Variants in SHISA9 observed in about 807,000 individuals in gnomAD.
SHISA9 encodes protein shisa-9.
Under a neutral mutation model 38.0 loss-of-function variants are expected in SHISA9, and 13 were observed. The ratio of observed to expected loss-of-function variants is 0.34; its 90% confidence interval spans 0.22 to 0.54. The LOEUF (loss-of-function observed/expected upper bound fraction) is 0.54. Among genes scored for constraint, SHISA9 ranks in the 20% least tolerant of loss-of-function variants. The pLI, the probability that SHISA9 is intolerant of heterozygous loss-of-function variation, is 0.91. For missense variants in SHISA9, 538 were observed against 575.8 expected, an observed-to-expected ratio of 0.93 and a Z score of 0.67; for synonymous variants, 275 against 242.0, an observed-to-expected ratio of 1.14 and a Z score of -1.27.
the SHISA9 span, among the ~76,000 whole-genome samples, chr16:13,536,284 A>AC: frequency 9.4e-3 from 1,424 of 152,276 alleles, 24 homozygotes; most frequent in African/African-American, 0.033. Context: ...GGCATGAGCC[A>AC]CCGTACCTGG....
chr16:13,316,025 A>AG, the SHISA9 span, among the ~76,000 whole-genome samples: 5 of 151,578 alleles, frequency 3.3e-5, no homozygotes, highest in East Asian at 1.9e-4. Flanking sequence ...TAAAAAAAAA[A>AG]AGAGAGAGAG....
At chr16:12,939,375 C>T (rs866212778) in intron 2 of SHISA9, among the ~76,000 whole-genome samples, 13 of 152,170 alleles carry the variant, frequency 8.5e-5, no homozygotes, top group African/African-American at 1.9e-4. Flanking sequence ...TGAGTCACTG[C>T]GCCTGGCCAG....
the SHISA9 span, among the ~76,000 whole-genome samples, chr16:13,409,718 G>A: frequency 1.3e-5 from 2 of 152,242 alleles, no homozygotes; most frequent in Admixed American, 1.3e-4. Flanking sequence ...AGCCTCTGCA[G>A]CACCAACTAT....
the SHISA9 span, among the ~76,000 whole-genome samples, chr16:13,300,926 CTTCT>C: frequency 9.4e-5 from 14 of 148,670 alleles, no homozygotes; most frequent in Admixed American, 7.6e-4. Context: ...CCTCCTCCTT[CTTCT>C]TTCTTTCTCT....
chr16:13,029,811 A>G (rs1234170192), intron 2 of SHISA9, among the ~76,000 whole-genome samples: 2 of 152,220 alleles, frequency 1.3e-5, no homozygotes, highest in Non-Finnish European at 2.9e-5. Flanking sequence ...ATCCACATCC[A>G]TCTCGTCACT....
At chr16:13,091,185 C>CT (rs981810525) in intron 2 of SHISA9, among the ~76,000 whole-genome samples, 1 of 136,588 alleles carries the variant, frequency 7.3e-6, no homozygotes, top group African/African-American at 2.6e-5. Context: ...GTCTGATGGG[C>CT]TTCCCTTTGT....
chr16:13,267,369 AAC>A, the SHISA9 span, among the ~76,000 whole-genome samples: 1 of 152,228 alleles, frequency 6.6e-6, no homozygotes, highest in Admixed American at 6.5e-5. Context: ...GCAAATGTAT[AAC>A]ATTTCCAAAA....
intron 2 of SHISA9, among the ~76,000 whole-genome samples, chr16:13,162,918 G>A (rs983267907): frequency 2.0e-5 from 3 of 152,016 alleles, no homozygotes; most frequent in African/African-American, 4.8e-5. Context: ...GTTCACCAAA[G>A]GTGGTTCTTC....
intron 2 of SHISA9, among the ~76,000 whole-genome samples, chr16:13,106,392 T>A (rs1174283065): frequency 6.6e-6 from 1 of 152,174 alleles, no homozygotes; most frequent in Non-Finnish European, 1.5e-5. Context: ...GCTCTGTGGC[T>A]TTGGGTGACT....
At chr16:13,401,540 G>C in the SHISA9 span, among the ~76,000 whole-genome samples, 1 of 150,714 alleles carries the variant, frequency 6.6e-6, no homozygotes, top group Non-Finnish European at 1.5e-5. Flanking sequence ...AAGTGATAAA[G>C]ATTAAACAAG....
intron 2 of SHISA9, among the ~76,000 whole-genome samples, chr16:13,113,978 T>G (rs2074004746): frequency 6.6e-6 from 1 of 152,134 alleles, no homozygotes; most frequent in African/African-American, 2.4e-5. Context: ...GGACATGCTG[T>G]AAACCTGGAA....
the SHISA9 span, among the ~76,000 whole-genome samples, chr16:13,559,557 A>AT: frequency 6.6e-6 from 1 of 151,362 alleles, no homozygotes; most frequent in Admixed American, 6.6e-5. Flanking sequence ...TTATATATAT[A>AT]TTTTTTCTAG....
At chr16:13,122,823 G>A (rs2050225132) in intron 2 of SHISA9, among the ~76,000 whole-genome samples, 1 of 152,188 alleles carries the variant, frequency 6.6e-6, no homozygotes, top group Non-Finnish European at 1.5e-5. Context: ...GAGGCAGGAG[G>A]ATCGCCTGAG....
intron 2 of SHISA9, among the ~76,000 whole-genome samples, chr16:12,926,020 C>T (rs1459204104): frequency 6.6e-6 from 1 of 152,158 alleles, no homozygotes; most frequent in Non-Finnish European, 1.5e-5. Flanking sequence ...GCCACCGTGC[C>T]TGGACTGCAT....
At chr16:12,946,533 T>C (rs78707936) in intron 2 of SHISA9, among the ~76,000 whole-genome samples, 3,973 of 152,220 alleles carry the variant, frequency 0.026, 86 homozygotes, top group Non-Finnish European at 0.043. Context: ...AAGGAGATAG[T>C]CTTGGTTGGA....
At chr16:13,248,363 C>G in the SHISA9 span, among the ~76,000 whole-genome samples, 1 of 152,136 alleles carries the variant, frequency 6.6e-6, no homozygotes, top group African/African-American at 2.4e-5. Context: ...CCTTCTCCTT[C>G]CCCCTTCTCC....
intron 2 of SHISA9, among the ~76,000 whole-genome samples, chr16:13,082,699 T>A (rs1343763070): frequency 6.6e-6 from 1 of 152,118 alleles, no homozygotes; most frequent in Non-Finnish European, 1.5e-5. Context: ...AAGCAGATTA[T>A]GATTGAAAGG....
At chr16:13,367,511 T>A in the SHISA9 span, among the ~76,000 whole-genome samples, 1 of 151,804 alleles carries the variant, frequency 6.6e-6, no homozygotes, top group South Asian at 2.1e-4. Context: ...TTGGCTCAAA[T>A]TCTTAAAGTT....
the SHISA9 span, among the ~76,000 whole-genome samples, chr16:13,453,543 A>T: frequency 6.6e-6 from 1 of 152,222 alleles, no homozygotes; most frequent in African/African-American, 2.4e-5. Flanking sequence ...GATGACAGAC[A>T]CATGGAACAA....
Sources: allele counts gnomAD v4.1 joint callset (sites outside exome capture counted in the v4.1 genomes callset), GRCh38; gene constraint gnomAD v4.1.1; transcripts MANE v1.5; gene names NCBI Gene and HGNC (gene_info 2026-07-23, HGNC 2026-07-21).